Variants in RBFOX1 observed in about 807,000 individuals in gnomAD.
RBFOX1 encodes RNA binding fox-1 homolog 1.
RBFOX1 carries 8 observed loss-of-function variants against 57.7 expected under a neutral mutation model. The ratio of observed to expected loss-of-function variants is 0.14; its 90% CI spans 0.08 to 0.25. The LOEUF (loss-of-function observed/expected upper bound fraction) is 0.25. Ranked by LOEUF, RBFOX1 falls within the 10% of genes least tolerant of loss-of-function variation. RBFOX1 has a pLI of 1.00. For missense variants in RBFOX1, 611 were observed against 548.5 expected, an observed-to-expected ratio of 1.11 and a Z score of -1.14; for synonymous variants, 326 against 222.4, an observed-to-expected ratio of 1.47 and a Z score of -4.15.
chr16:5,784,570 A>G (rs2054436559), intron 3 of RBFOX1, among the ~76,000 whole-genome samples: 1 of 152,150 alleles, frequency 6.6e-6, no homozygotes. Flanking sequence ...GGATGGTGCT[A>G]AACTCTTCAT....
chr16:5,383,092 C>T (rs542139322), intron 1 of RBFOX1, among the ~76,000 whole-genome samples: 5 of 152,152 alleles, frequency 3.3e-5, no homozygotes, highest in East Asian at 1.9e-4. Flanking sequence ...CGGCACAGTC[C>T]GTTATTTGGA....
chr16:6,482,373 C>T (rs575990969), intron 2 of RBFOX1, among the ~76,000 whole-genome samples: 1 of 152,144 alleles, frequency 6.6e-6, no homozygotes, highest in African/African-American at 2.4e-5. Context: ...GAGTCATTTC[C>T]CCAGCCAATT....
chr16:7,268,834 C>T (rs1029997387), intron 4 of RBFOX1, among the ~76,000 whole-genome samples: 25 of 151,706 alleles, frequency 1.6e-4, no homozygotes, highest in African/African-American at 6.1e-4. Context: ...GTCAGGAGTT[C>T]GATACCAGTT....
intron 4 of RBFOX1, among the ~76,000 whole-genome samples, chr16:7,445,949 T>C (rs893012662): frequency 6.6e-6 from 1 of 152,220 alleles, no homozygotes; most frequent in African/African-American, 2.4e-5. Context: ...CTATGCCTTT[T>C]GTTTTCTTGC....
chr16:6,268,712 A>G (rs917697355), intron 1 of RBFOX1, among the ~76,000 whole-genome samples: 2 of 152,188 alleles, frequency 1.3e-5, no homozygotes, highest in African/African-American at 2.4e-5. Flanking sequence ...GTTCTTAGGG[A>G]TCTTACAGTT....
At position 5,668,205 on chromosome 16, in the gene RBFOX1, C is replaced by T. The variant is rs952897999; in HGVS notation, c.318+69244C>T. 3.9e-5 allele frequency among the ~76,000 whole-genome samples: 6 copies of T among 152,150 alleles called. No homozygotes were observed. In the East Asian group the frequency reaches 5.8e-4, roughly 15 times the overall value. ...CTGAGGCAGGAGAATTGTTTGAACCCGGGAGGCGGAGGTTGCAGTGAGCTG... is the reference window on the plus strand; with the variant it reads ...CTGAGGCAGGAGAATTGTTTGAACCTGGGAGGCGGAGGTTGCAGTGAGCTG... On this transcript the variant is annotated intron_variant, in intron 3 of 19. Coordinates refer to the RBFOX1 transcript ENST00000641259.
chr16:6,483,699 C>T, intron 2 of RBFOX1: 2 of 1,250,800 alleles, frequency 1.6e-6, no homozygotes, highest in Non-Finnish European at 2.0e-6. Context: ...CGGGGGCGGG[C>T]GACAGGGGGA....
chr16:7,552,498 A>C (rs990126582), intron 5 of RBFOX1, among the ~76,000 whole-genome samples: 1 of 152,160 alleles, frequency 6.6e-6, no homozygotes, highest in East Asian at 1.9e-4. Context: ...CTGAATGACC[A>C]CTGGGTCAAT....
chr16:7,627,658 CT>C (rs2060285685), intron 10 of RBFOX1, among the ~76,000 whole-genome samples: 1 of 152,136 alleles, frequency 6.6e-6, no homozygotes, highest in African/African-American at 2.4e-5. Flanking sequence ...ACCTTATTAC[CT>C]ATTTGACTTA....
chr16:6,130,063 G>A (rs1355826850), intron 1 of RBFOX1, among the ~76,000 whole-genome samples: 1 of 151,990 alleles, frequency 6.6e-6, no homozygotes, highest in African/African-American at 2.4e-5. Context: ...GAGAGCAGAA[G>A]GAAGCTCTGA....
intron 3 of RBFOX1, among the ~76,000 whole-genome samples, chr16:6,830,979 C>G (rs561993348): frequency 6.6e-6 from 1 of 152,158 alleles, no homozygotes; most frequent in Non-Finnish European, 1.5e-5. Context: ...GTAAAGTTCT[C>G]CAAATGTGGA....
intron 3 of RBFOX1, among the ~76,000 whole-genome samples, chr16:6,669,123 A>G (rs1329388782): frequency 6.6e-6 from 1 of 152,146 alleles, no homozygotes; most frequent in Non-Finnish European, 1.5e-5. Context: ...GTTCAGCTGA[A>G]ATTTTCTTCG....
chr16:6,364,662 T>C (rs1199337339), intron 2 of RBFOX1, among the ~76,000 whole-genome samples: 1 of 152,234 alleles, frequency 6.6e-6, no homozygotes, highest in Admixed American at 6.5e-5. Context: ...TAGTTTCAAA[T>C]GTGATGTGTT....
chr16:6,153,617 C>T (rs978347083), intron 1 of RBFOX1, among the ~76,000 whole-genome samples: 2 of 152,034 alleles, frequency 1.3e-5, no homozygotes, highest in South Asian at 4.1e-4. Flanking sequence ...CTCACTGCAA[C>T]CTCTGCCTCC....
At chr16:7,366,212 C>G (rs1338309321) in intron 4 of RBFOX1, among the ~76,000 whole-genome samples, 2 of 152,218 alleles carry the variant, frequency 1.3e-5, no homozygotes, top group East Asian at 3.9e-4. Flanking sequence ...CCATTGGTGT[C>G]TGCTGCCATT....
At chr16:7,271,941 G>C (rs538676345) in intron 4 of RBFOX1, among the ~76,000 whole-genome samples, 1 of 152,186 alleles carries the variant, frequency 6.6e-6, no homozygotes, top group African/African-American at 2.4e-5. Context: ...ATCCCCTCAG[G>C]CTTGCTTTTC....
At chr16:6,321,653 A>C (rs868808472) in intron 2 of RBFOX1, among the ~76,000 whole-genome samples, 8 of 152,198 alleles carry the variant, frequency 5.3e-5, no homozygotes, top group Non-Finnish European at 7.3e-5. Context: ...ATAGTTCACC[A>C]TCAGTACTTG....
At chr16:7,235,750 C>G (rs1057044829) in intron 4 of RBFOX1, among the ~76,000 whole-genome samples, 1 of 152,000 alleles carries the variant, frequency 6.6e-6, no homozygotes, top group Non-Finnish European at 1.5e-5. Flanking sequence ...AAGGGTTGAC[C>G]AAAAATTGTT....
At chr16:6,334,243 C>T (rs1599739534) in intron 2 of RBFOX1, among the ~76,000 whole-genome samples, 1 of 152,082 alleles carries the variant, frequency 6.6e-6, no homozygotes, top group Non-Finnish European at 1.5e-5. Context: ...TGTGGTGGCT[C>T]ACGCCTGTAA....
Sources: gnomAD v4.1 joint callset for allele counts (sites outside exome capture counted in the v4.1 genomes callset) on GRCh38, gnomAD v4.1.1 for gene constraint, MANE v1.5 for transcripts, NCBI Gene and HGNC (gene_info 2026-07-23, HGNC 2026-07-21) for gene names.